NOX4: variants seen among roughly 807,000 people sequenced by gnomAD.
The protein encoded by NOX4 is NADPH oxidase 4.
NOX4 carries 69 observed loss-of-function variants against 87.6 expected under a neutral mutation model. That is an observed-to-expected ratio of 0.79 (90% CI 0.65 to 0.96). The LOEUF (loss-of-function observed/expected upper bound fraction) is 0.96. Among genes scored for constraint, NOX4 ranks in the 40% least tolerant of loss-of-function variants. NOX4 has a pLI of 0.00. For synonymous variants in NOX4, 275 were observed against 238.2 expected, an observed-to-expected ratio of 1.15 and a Z score of -1.42; for missense variants, 680 against 681.5, an observed-to-expected ratio of 1.00 and a Z score of 0.02.
chr11:89,419,745 G>T (rs1942987866), intron 8 of NOX4, among the ~76,000 whole-genome samples: 1 of 151,816 alleles, frequency 6.6e-6, no homozygotes, highest in South Asian at 2.1e-4. Context: ...ATTTAAATAT[G>T]CATTCCTTTT....
the NOX4 span, among the ~76,000 whole-genome samples, chr11:89,567,468 T>C: frequency 0.016 from 2,457 of 152,254 alleles, 73 homozygotes; most frequent in African/African-American, 0.056. Flanking sequence ...ACTGGGTAAA[T>C]TATAAAGAAA....
intron 4 of NOX4, among the ~76,000 whole-genome samples, chr11:89,446,084 T>C (rs990802734): frequency 2.0e-5 from 3 of 152,128 alleles, no homozygotes; most frequent in Non-Finnish European, 4.4e-5. Context: ...CCAAAGAAGA[T>C]ATACAGATGG....
chr11:89,477,170 A>G (rs985644694), intron 2 of NOX4, among the ~76,000 whole-genome samples: 1 of 152,206 alleles, frequency 6.6e-6, no homozygotes, highest in Admixed American at 6.5e-5. Context: ...ACTCACCACA[A>G]TGGAGAATCA....
At chr11:89,353,464 C>A (rs754713850) in intron 13 of NOX4, among the ~76,000 whole-genome samples, 12 of 152,136 alleles carry the variant, frequency 7.9e-5, no homozygotes, top group Middle Eastern at 3.4e-3. Context: ...GCATTTTTAA[C>A]AATAAAGTAT....
intron 2 of NOX4, among the ~76,000 whole-genome samples, chr11:89,475,967 A>C (rs1299897601): frequency 6.6e-6 from 1 of 152,106 alleles, no homozygotes; most frequent in Admixed American, 6.6e-5. Flanking sequence ...TTTTGGAAAA[A>C]GTATTTTAAC....
At chr11:89,479,875 T>C (rs1413919105) in intron 2 of NOX4, among the ~76,000 whole-genome samples, 3 of 152,158 alleles carry the variant, frequency 2.0e-5, no homozygotes, top group Non-Finnish European at 4.4e-5. Flanking sequence ...AGGAATCACA[T>C]AGACTCACTC....
chr11:89,530,641 C>T, the NOX4 span, among the ~76,000 whole-genome samples: 1 of 151,782 alleles, frequency 6.6e-6, no homozygotes, highest in African/African-American at 2.4e-5. Context: ...GTTGAGATTA[C>T]AGGTGTGAGC....
At chr11:89,373,290 A>C (rs1174110713) in intron 12 of NOX4, 142 bp downstream of exon 12, 47 of 479,240 alleles carry the variant, frequency 9.8e-5, no homozygotes, top group Admixed American at 3.2e-4. Context: ...AAAAAAAAAA[A>C]AAAAAAAACA....
intron 12 of NOX4, among the ~76,000 whole-genome samples, chr11:89,359,405 G>A (rs1938338745): frequency 6.9e-6 from 1 of 144,830 alleles, no homozygotes; most frequent in Non-Finnish European, 1.5e-5. Flanking sequence ...TTTTGAGATG[G>A]AGTCTTGCTC....
At chr11:89,524,459 A>G in the NOX4 span, among the ~76,000 whole-genome samples, 2 of 152,280 alleles carry the variant, frequency 1.3e-5, no homozygotes, top group South Asian at 4.2e-4. Context: ...ATTGTAAGTG[A>G]GAAACATCAA....
upstream of NOX4, among the ~76,000 whole-genome samples, chr11:89,493,140 A>T (rs1030570059): frequency 6.6e-6 from 1 of 151,980 alleles, no homozygotes; most frequent in African/African-American, 2.4e-5. Context: ...TAATCCCAAC[A>T]CTTTGGGAGG....
chr11:89,380,244 G>A (rs1565216703), intron 11 of NOX4, among the ~76,000 whole-genome samples: 1 of 152,114 alleles, frequency 6.6e-6, no homozygotes, highest in Non-Finnish European at 1.5e-5. Context: ...AACAAAAATA[G>A]ACTGAGTAAA....
At chr11:89,573,676 A>G in the NOX4 span, among the ~76,000 whole-genome samples, 1 of 152,218 alleles carries the variant, frequency 6.6e-6, no homozygotes, top group Non-Finnish European at 1.5e-5. Flanking sequence ...AGGAAGTTTC[A>G]GAGCAGGAGT....
At chr11:89,380,169 G>C (rs1294359835) in intron 11 of NOX4, among the ~76,000 whole-genome samples, 1 of 152,190 alleles carries the variant, frequency 6.6e-6, no homozygotes, top group Non-Finnish European at 1.5e-5. Flanking sequence ...TAGAGAGAAA[G>C]AGAGGTTGAA....
intron 7 of NOX4, among the ~76,000 whole-genome samples, chr11:89,426,557 G>A (rs1472715719): frequency 6.6e-6 from 1 of 152,000 alleles, no homozygotes; most frequent in Non-Finnish European, 1.5e-5. Flanking sequence ...CTTAGCAAAC[G>A]GCACACCAGG....
At chr11:89,385,643 A>G (rs1940646964) in intron 11 of NOX4, among the ~76,000 whole-genome samples, 1 of 152,090 alleles carries the variant, frequency 6.6e-6, no homozygotes, top group Non-Finnish European at 1.5e-5. Context: ...AAGGAAATCA[A>G]TTCTTAGTGT....
chr11:89,551,062 G>A, the NOX4 span, among the ~76,000 whole-genome samples: 1 of 152,054 alleles, frequency 6.6e-6, no homozygotes, highest in Non-Finnish European at 1.5e-5. Flanking sequence ...ATTGCTTGTT[G>A]GTGTCAGGTT....
intron 11 of NOX4, among the ~76,000 whole-genome samples, chr11:89,386,210 G>A (rs1356962606): frequency 6.6e-6 from 1 of 152,080 alleles, no homozygotes; most frequent in African/African-American, 2.4e-5. Context: ...TTAGGCCCCA[G>A]TCTCATTCTA....
chr11:89,392,233 T>C lies in NOX4; in HGVS notation c.1074+7784A>G, dbSNP rs568431821. Among the ~76,000 whole-genome samples, 440 of 152,236 alleles carry C rather than the reference T, an allele frequency of 2.9e-3. 2 individuals are homozygous for C. The highest frequency in any genetic ancestry group is 0.01 in the African/African-American group (427 of 41,564). On this transcript the variant is annotated intron_variant, in intron 11 of 17. Coordinates refer to ENST00000263317, the MANE Select transcript of NOX4 (RefSeq NM_016931.5). Reference sequence around the variant, plus strand: ...AGACTGTACACACCCAACCTCTTTATCTTCATCTCTTGCACTTCTGAACCT... The same window carrying C: ...AGACTGTACACACCCAACCTCTTTACCTTCATCTCTTGCACTTCTGAACCT...
Sources: allele counts gnomAD v4.1 joint callset (sites outside exome capture counted in the v4.1 genomes callset), GRCh38; gene constraint gnomAD v4.1.1; transcripts MANE v1.5; gene names NCBI Gene and HGNC (gene_info 2026-07-23, HGNC 2026-07-21).